GSK3B: variants seen among roughly 807,000 people sequenced by gnomAD.
GSK3B encodes glycogen synthase kinase-3 beta.
Under a neutral mutation model 56.4 loss-of-function variants are expected in GSK3B, and 15 were observed. The observed-to-expected ratio is 0.27, with a 90% CI of 0.18 to 0.41. The LOEUF is 0.41. GSK3B is among the 10% of genes least tolerant of loss of function. GSK3B has a pLI of 1.00. For synonymous variants in GSK3B, 181 were observed against 188.9 expected, an observed-to-expected ratio of 0.96 and a Z score of 0.34; for missense variants, 300 against 513.4, an observed-to-expected ratio of 0.58 and a Z score of 4.02.
intron 3 of GSK3B, among the ~76,000 whole-genome samples, chr3:119,942,321 G>A (rs769609548): frequency 2.0e-5 from 3 of 151,770 alleles, no homozygotes; most frequent in South Asian, 4.2e-4. Flanking sequence ...TTTTTGAGAC[G>A]GAGTTTCACT....
chr3:119,953,390 AG>A (rs1215461501), intron 2 of GSK3B, among the ~76,000 whole-genome samples: 2 of 152,230 alleles, frequency 1.3e-5, no homozygotes, highest in Non-Finnish European at 2.9e-5. Context: ...TACAATCAAA[AG>A]GCTATATAAA....
At chr3:120,054,363 A>G (rs1162213798) in intron 1 of GSK3B, among the ~76,000 whole-genome samples, 2 of 152,090 alleles carry the variant, frequency 1.3e-5, no homozygotes, top group Admixed American at 6.5e-5. Context: ...CCTCACCTCT[A>G]TATCCTCCAC....
intron 2 of GSK3B, among the ~76,000 whole-genome samples, chr3:119,996,474 T>C (rs1220142858): frequency 6.6e-6 from 1 of 152,224 alleles, no homozygotes; most frequent in East Asian, 1.9e-4. Context: ...TCCTTTTATT[T>C]TCAGCCAGGT....
At chr3:120,070,734 G>C (rs1272598357) in intron 1 of GSK3B, among the ~76,000 whole-genome samples, 2 of 152,152 alleles carry the variant, frequency 1.3e-5, no homozygotes, top group African/African-American at 2.4e-5. Context: ...TCCCTAAGTA[G>C]GGCAGCTTAG....
chr3:119,931,003 T>C (rs2056940392), intron 3 of GSK3B, among the ~76,000 whole-genome samples: 1 of 152,240 alleles, frequency 6.6e-6, no homozygotes, highest in South Asian at 2.1e-4. Flanking sequence ...AAAATGCTCT[T>C]GTTAAATTTA....
At chr3:120,082,151 G>C (rs1192134841) in intron 1 of GSK3B, among the ~76,000 whole-genome samples, 1 of 152,000 alleles carries the variant, frequency 6.6e-6, no homozygotes, top group Non-Finnish European at 1.5e-5. Flanking sequence ...TCTGAAAAAC[G>C]TAACAATTTT....
intron 2 of GSK3B, among the ~76,000 whole-genome samples, chr3:119,965,489 G>A (rs1249682491): frequency 6.6e-6 from 1 of 151,944 alleles, no homozygotes; most frequent in Non-Finnish European, 1.5e-5. Context: ...TGGGACTACA[G>A]GCATCAGCCA....
At chr3:120,039,852 T>C (rs952785450) in intron 1 of GSK3B, among the ~76,000 whole-genome samples, 1 of 152,212 alleles carries the variant, frequency 6.6e-6, no homozygotes, top group Non-Finnish European at 1.5e-5. Flanking sequence ...GAGAAAACTT[T>C]TGGCACTGAG....
intron 8 of GSK3B, among the ~76,000 whole-genome samples, chr3:119,872,915 A>G (rs2056266227): frequency 6.6e-6 from 1 of 152,136 alleles, no homozygotes; most frequent in Admixed American, 6.6e-5. Context: ...TGCAGAATTT[A>G]AATTTCTTCT....
intron 6 of GSK3B, among the ~76,000 whole-genome samples, chr3:119,909,039 A>G (rs999631811): frequency 2.0e-5 from 3 of 152,042 alleles, no homozygotes; most frequent in Non-Finnish European, 4.4e-5. Flanking sequence ...TTGTTTTGAG[A>G]GGGGGGGTCT....
At chr3:119,838,296 C>A (rs1021679091) in intron 10 of GSK3B, among the ~76,000 whole-genome samples, 2 of 151,772 alleles carry the variant, frequency 1.3e-5, no homozygotes, top group Non-Finnish European at 1.5e-5. Context: ...AAAAAAGAAA[C>A]AAAGAAATTA....
chr3:119,853,569 CATTT>C (rs200774559), intron 9 of GSK3B, among the ~76,000 whole-genome samples: 3,408 of 152,210 alleles, frequency 0.022, 103 homozygotes, highest in African/African-American at 0.077. Context: ...AATGTTCTTT[CATTT>C]GTTTGTGTCC....
At chr3:119,951,365 A>C (rs1462659756) in intron 2 of GSK3B, among the ~76,000 whole-genome samples, 1 of 152,238 alleles carries the variant, frequency 6.6e-6, no homozygotes, top group Non-Finnish European at 1.5e-5. Context: ...TGAGGACAGG[A>C]GTTCAAGACC....
intron 9 of GSK3B, among the ~76,000 whole-genome samples, chr3:119,862,464 T>C (rs371218050): frequency 7.7e-6 from 1 of 129,612 alleles, no homozygotes; most frequent in East Asian, 2.2e-4. Flanking sequence ...GTATGGCACA[T>C]GTATACATAT....
chr3:119,919,385 G>A (rs540592751), intron 4 of GSK3B, among the ~76,000 whole-genome samples: 1 of 152,078 alleles, frequency 6.6e-6, no homozygotes, highest in African/African-American at 2.4e-5. Flanking sequence ...GAATGACTAC[G>A]TGAAGGAGAT....
chr3:120,033,262 G>C (rs570914282), intron 1 of GSK3B, among the ~76,000 whole-genome samples: 13 of 152,170 alleles, frequency 8.5e-5, no homozygotes, highest in Non-Finnish European at 1.3e-4. Flanking sequence ...TAGATGTTTG[G>C]GTTGTTTTTC....
chr3:120,019,128 ATTTTAC>A (rs1296404700), intron 1 of GSK3B, among the ~76,000 whole-genome samples: 2 of 152,156 alleles, frequency 1.3e-5, no homozygotes, highest in Non-Finnish European at 2.9e-5. Context: ...AAAGTACAAT[ATTTTAC>A]TTTTACTTTT....
At chr3:119,844,117 G>A (rs1048198106) in intron 9 of GSK3B, among the ~76,000 whole-genome samples, 9 of 152,090 alleles carry the variant, frequency 5.9e-5, no homozygotes, top group Non-Finnish European at 1.3e-4. Flanking sequence ...TAAGTTCTTC[G>A]AAACCAATGA....
chr3:120,035,414 A>G (rs777876094), intron 1 of GSK3B, among the ~76,000 whole-genome samples: 1 of 152,230 alleles, frequency 6.6e-6, no homozygotes, highest in Non-Finnish European at 1.5e-5. Context: ...GTACTTTGTT[A>G]CTGCAACCCT....
Sources: gnomAD v4.1 joint callset for allele counts (sites outside exome capture counted in the v4.1 genomes callset) on GRCh38, gnomAD v4.1.1 for gene constraint, MANE v1.5 for transcripts, NCBI Gene and HGNC (gene_info 2026-07-23, HGNC 2026-07-21) for gene names.